TSKU: variants seen among roughly 807,000 people sequenced by gnomAD.
TSKU encodes tsukushi.
Under a neutral mutation model 11.2 loss-of-function variants are expected in TSKU, and 4 were observed. The observed-to-expected ratio is 0.36, with a 90% CI of 0.18 to 0.82. TSKU has a LOEUF of 0.82. Ranked by LOEUF, TSKU falls within the 40% of genes least tolerant of loss-of-function variation. TSKU has a pLI of 0.50. For synonymous variants in TSKU, 220 were observed against 232.2 expected, an observed-to-expected ratio of 0.95 and a Z score of 0.48; for missense variants, 407 against 482.5, an observed-to-expected ratio of 0.84 and a Z score of 1.47.
chr11:76,795,961 C>T lies in TSKU; in HGVS notation c.345C>T (p.Leu115=), dbSNP rs1944437777. The change falls in exon 2 of 2, where the codon CTC becomes CTT. Residue 115 remains leucine, a synonymous_variant. Coordinates refer to ENST00000333090, the MANE Select transcript of TSKU (RefSeq NM_015516.4). ...SRLRYLESLD[L]SHNGLTALPA... Reference sequence around the variant, plus strand: ...TTCGCTACCTGGAGTCGCTTGACCTCAGCCACAATGGCCTGACAGCCCTGC... The same window carrying T: ...TTCGCTACCTGGAGTCGCTTGACCTTAGCCACAATGGCCTGACAGCCCTGC... The T allele has an allele frequency of 2.5e-6, 4 of 1,614,002 alleles. No individual in the cohort carries two copies. Among genetic ancestry groups the T allele is most frequent in the Non-Finnish European group, 3.4e-6 (4 of 1,180,036 alleles).
intron 1 of TSKU, 77 bp downstream of exon 1, chr11:76,783,481 G>C (rs1944264772): frequency 6.6e-6 from 1 of 152,302 alleles, no homozygotes; most frequent in African/African-American, 2.4e-5. Flanking sequence ...TAGCCTCGCG[G>C]CCCCTTCGGA....
rs545074504 is a variant in TSKU, at chr11:76,786,763, C to CA, written c.-9+3360dup. Among the ~76,000 whole-genome samples the CA allele has an allele frequency of 7.9e-5, 12 of 152,338 alleles. No individual in the cohort carries two copies. The East Asian group carries it at 2.3e-3, about 29-fold the overall frequency. ...AGCCCTCATTCTGTCACAGGCAACA[C>CA]AGCAGCTTTTGCCTGCTTTGGTCTC... On this transcript the variant is annotated intron_variant, in intron 1 of 1. Coordinates refer to ENST00000333090, the MANE Select transcript of TSKU (RefSeq NM_015516.4).
intron 1 of TSKU, among the ~76,000 whole-genome samples, chr11:76,785,681 G>A (rs1047857732): frequency 5.3e-5 from 8 of 152,340 alleles, no homozygotes; most frequent in African/African-American, 1.7e-4. Flanking sequence ...ATGTCAGGCC[G>A]AGAAGGGGGA....
intron 1 of TSKU, among the ~76,000 whole-genome samples, chr11:76,787,332 C>G (rs189761580): frequency 7.0e-4 from 106 of 152,280 alleles, no homozygotes; most frequent in Non-Finnish European, 1.3e-3. Flanking sequence ...TTACTGGGAG[C>G]CTTGCCCATC....
At chr11:76,783,353 G>A (rs1944262907), upstream of TSKU, 1 of 151,354 alleles carries the variant, frequency 6.6e-6, no homozygotes, top group African/African-American at 2.4e-5. Context: ...GAGGGCCCGC[G>A]GCCGGGCCGC....
In TSKU at chr11:76,796,089, G is replaced by A. The variant is rs771054742; in HGVS notation, c.473G>A (p.Arg158Gln). 2.4e-5 allele frequency: 38 copies of A among 1,613,870 alleles called. No individual in the cohort carries two copies. The highest frequency in any genetic ancestry group is 2.8e-5 in the Non-Finnish European group (33 of 1,180,032). The change falls in exon 2 of 2, where the codon CGG becomes CAG. Residue 158 changes from arginine (R) to glutamine (Q), a missense_variant. Transcript: ENST00000333090. This position sits in a 1 kb window ranked among gnomAD's most constrained non-coding sequence, Gnocchi z 4.1. ...VSAFTTHSQG[R>Q]ALHVDLSHNL... Reference sequence around the variant, plus strand: ...GCCTTCACGACGCACAGTCAGGGCCGGGCACTACACGTGGACCTCTCCCAC... The same window carrying A: ...GCCTTCACGACGCACAGTCAGGGCCAGGCACTACACGTGGACCTCTCCCAC...
chr11:76,794,048 A>G (rs1165950738), intron 1 of TSKU, among the ~76,000 whole-genome samples: 1 of 152,112 alleles, frequency 6.6e-6, no homozygotes, highest in Non-Finnish European at 1.5e-5. Flanking sequence ...GATGGGCAGG[A>G]GGGCAGGGGC....
intron 1 of TSKU, among the ~76,000 whole-genome samples, chr11:76,787,934 T>A (rs1306088306): frequency 6.6e-6 from 1 of 152,130 alleles, no homozygotes; most frequent in African/African-American, 2.4e-5. Flanking sequence ...AAGGCTCTGG[T>A]GAGGCAGAAG....
At chr11:76,782,901 G>A (rs1224955), upstream of TSKU, 21,164 of 152,034 alleles carry the variant, frequency 0.14, 2,004 homozygotes, top group East Asian at 0.4. Context: ...CAAAGAGGAA[G>A]CCCTCACCCA....
At position 76,796,494 on chromosome 11, in the gene TSKU, C is replaced by T. The variant is rs143246296; in HGVS notation, c.878C>T (p.Pro293Leu). The change falls in exon 2 of 2, where the codon CCC becomes CTC. Residue 293 changes from proline to leucine, a missense_variant. By Grantham distance (98) the Pro-to-Leu change is moderately conservative. Coordinates refer to ENST00000333090, the MANE Select transcript of TSKU (RefSeq NM_015516.4). The surrounding 1 kb of genome is among the most constrained non-coding windows in gnomAD (Gnocchi z 4.1). ...GACCTTTCGGGCACCAACCTGGTGC[C>T]CCTGCCTGAGGCGCTGCTCCTCCAC... ...ELDLSGTNLV[P>L]LPEALLLHLP... 1.2e-4 allele frequency: 194 copies of T among 1,612,802 alleles called. No homozygotes were observed. In the East Asian group the frequency reaches 4.3e-3, roughly 35 times the overall value.
chr11:76,796,550 C>T lies in TSKU; in HGVS notation c.934C>T (p.Gln312Ter). ...GGCACTGCAGAGCGTCAGCGTGGGC[C>T]AGGATGTGCGGTGCCGGCGCCTGGT... is the stretch of plus-strand genomic sequence containing the variant. ...LPALQSVSVG[Q>*]DVRCRRLVRE... The change falls in exon 2 of 2, where the codon CAG (glutamine) becomes TAG (stop). Residue 312 changes from glutamine to a stop codon, truncating the protein, a stop_gained. Transcript: ENST00000333090. LOFTEE classifies it high-confidence loss of function. The surrounding 1 kb of genome is among the most constrained non-coding windows in gnomAD (Gnocchi z 4.1). 1 of 1,598,964 alleles carries T rather than the reference C, an allele frequency of 6.3e-7. No individual in the cohort carries two copies. The highest frequency in any genetic ancestry group is 1.3e-5 in the African/African-American group (1 of 74,410).
intron 1 of TSKU, chr11:76,784,460 CAT>C (rs1944286706): frequency 6.6e-6 from 1 of 152,440 alleles, no homozygotes; most frequent in African/African-American, 2.4e-5. Flanking sequence ...GGGAGCCTCA[CAT>C]ACACAGGTTT....
rs1365104661 is a variant in TSKU, at chr11:76,797,297, G to C, written c.*619G>C. The C allele has an allele frequency of 1.2e-5, 2 of 167,150 alleles. No individual in the cohort carries two copies. Among genetic ancestry groups the C allele is most frequent in the African/African-American group, 4.8e-5 (2 of 41,450 alleles). 10.4% of individuals were successfully genotyped at this position (167,150 alleles called of 1,614,324 possible). The stretch of plus-strand genomic sequence containing the variant: ...GTTCCTGCGGGCAGTGGCATGACTG[G>C]AGCACAGCCTCCTGCCTCCCAGCCC... On this transcript the variant is annotated 3_prime_UTR_variant, in exon 2 of 2. Transcript: ENST00000333090.
chr11:76,783,341 C>G (rs1297317817), upstream of TSKU: 1 of 150,950 alleles, frequency 6.6e-6, no homozygotes, highest in African/African-American at 2.4e-5. Flanking sequence ...AAGCGCTGGC[C>G]GGAGGGCCCG....
At position 76,797,744 on chromosome 11, in the gene TSKU, T is replaced by C. The variant is rs1944474247; in HGVS notation, c.*1066T>C. 1 of 167,098 alleles carries C rather than the reference T, an allele frequency of 6.0e-6. No homozygotes were observed. The highest frequency in any genetic ancestry group is 6.5e-5 in the Admixed American group (1 of 15,278). 10.4% of individuals were successfully genotyped at this position (167,098 alleles called of 1,614,324 possible). On this transcript the variant is annotated 3_prime_UTR_variant, in exon 2 of 2. Coordinates refer to ENST00000333090, the MANE Select transcript of TSKU (RefSeq NM_015516.4). ...ACAGCCCTTCTTACCCTCCCAGGAA[T>C]GCCGTGAAAGGAGACAAGGTCTGCC...
chr11:76,783,914 TC>T (rs1944273392), intron 1 of TSKU, among the ~76,000 whole-genome samples: 1 of 111,380 alleles, frequency 9.0e-6, no homozygotes, highest in Admixed American at 8.7e-5. Flanking sequence ...ACCCCCCCGC[TC>T]CCCCGCCGTC....
At chr11:76,783,033 C>A (rs1048538282), upstream of TSKU, 1 of 152,532 alleles carries the variant, frequency 6.6e-6, no homozygotes, top group Admixed American at 6.5e-5. Flanking sequence ...CCCGACAGTG[C>A]GGCCATCTGC....
At position 76,795,613 on chromosome 11, in the gene TSKU, C is replaced by A. The variant is rs772364309; in HGVS notation, c.-4C>A. On this transcript the variant is annotated 5_prime_UTR_variant, in exon 2 of 2. Transcript: ENST00000333090. ...CACCTGTGGCTCTCTTTCTAGCCCC[C>A]ACCATGCCGTGGCCCCTGCTGCTGC... is the stretch of plus-strand genomic sequence containing the variant. 1 of 1,608,502 alleles carries A rather than the reference C, an allele frequency of 6.2e-7. No individual in the cohort carries two copies. The highest frequency in any genetic ancestry group is 8.5e-7 in the Non-Finnish European group (1 of 1,179,470).
upstream of TSKU, chr11:76,783,224 C>T (rs1944257865): frequency 6.7e-6 from 1 of 150,340 alleles, no homozygotes; most frequent in Admixed American, 6.6e-5. Flanking sequence ...ACTTTGGCGA[C>T]ACTCCCTGAG....
Sources: allele counts gnomAD v4.1 joint callset (sites outside exome capture counted in the v4.1 genomes callset), GRCh38; gene constraint gnomAD v4.1.1; non-coding constraint Gnocchi (gnomAD v3.1); transcripts MANE v1.5; gene names NCBI Gene and HGNC (gene_info 2026-07-23, HGNC 2026-07-21).